PDXDC1: variants seen among roughly 807,000 people sequenced by gnomAD.
The protein encoded by PDXDC1 is pyridoxal-dependent decarboxylase domain-containing protein 1.
A neutral mutation model predicts 100.1 loss-of-function variants in PDXDC1; 42 were observed. The observed-to-expected ratio is 0.42, with a 90% CI of 0.33 to 0.54. The LOEUF (loss-of-function observed/expected upper bound fraction) is 0.54, where lower values mean the gene tolerates loss of function less well. Ranked by LOEUF, PDXDC1 falls within the 20% of genes least tolerant of loss-of-function variation. The pLI is 0.10. For missense variants in PDXDC1, 636 were observed against 979.2 expected (o/e 0.65, Z 4.68); for synonymous variants, 260 against 371.7 (o/e 0.70, Z 3.46).
rs1168928708 is a variant in PDXDC1, at chr16:15,093,097, C to CG, written c.1400-45779dup. On this transcript the variant is annotated intron_variant, in intron 16 of 16. Transcript: ENST00000535621. ...TGGCTTAACTGCAACCTCCATCTCCCGGGTTCAAGCAATTATCCTGCCTCA... is the reference window on the plus strand; with the variant it reads ...TGGCTTAACTGCAACCTCCATCTCCCGGGGTTCAAGCAATTATCCTGCCTCA... Among the ~76,000 whole-genome samples, 4 of 152,164 alleles carry CG rather than the reference C, an allele frequency of 2.6e-5. No homozygotes were observed. The East Asian group carries it at 7.7e-4, about 29-fold the overall frequency.
intron 16 of PDXDC1, among the ~76,000 whole-genome samples, chr16:15,117,589 A>C (rs1349961275): frequency 6.7e-6 from 1 of 149,840 alleles, no homozygotes; most frequent in African/African-American, 2.5e-5. Flanking sequence ...GCTACTTGAG[A>C]GGCTGAGGCA....
chr16:15,050,306 A>C (rs2044244951), intron 16 of PDXDC1, among the ~76,000 whole-genome samples: 1 of 152,246 alleles, frequency 6.6e-6, no homozygotes, highest in South Asian at 2.1e-4. Flanking sequence ...GATGAACAAA[A>C]TCTTCCTCAA....
intron 1 of PDXDC1, 112 bp from the exon 2 acceptor site, chr16:14,997,641 T>C: frequency 8.4e-7 from 1 of 1,191,544 alleles, no homozygotes; most frequent in Non-Finnish European, 1.2e-6. Context: ...TAAAATCATG[T>C]ATTTCACAGT....
At chr16:15,135,266 C>G (rs1027092298) in intron 16 of PDXDC1, 1 of 1,115,838 alleles carries the variant, frequency 9.0e-7, no homozygotes, top group African/African-American at 1.5e-5. Flanking sequence ...GGCCGAGGGG[C>G]GGGCGGCACC....
At chr16:15,004,413 A>G (rs1010224658) in intron 5 of PDXDC1, 80 bp downstream of exon 5, 16 of 1,543,950 alleles carry the variant, frequency 1.0e-5, no homozygotes, top group African/African-American at 1.4e-5. Flanking sequence ...GAGCTGTACT[A>G]CTTGGGTTCA....
At chr16:15,000,391 G>A (rs1407906975) in intron 3 of PDXDC1, among the ~76,000 whole-genome samples, 1 of 152,296 alleles carries the variant, frequency 6.6e-6, no homozygotes, top group Non-Finnish European at 1.5e-5. Flanking sequence ...TCATGTGGCA[G>A]GCAGCCAGTG....
At chr16:15,040,677 C>G (rs2151689575), downstream of PDXDC1, among the ~76,000 whole-genome samples, 1 of 152,174 alleles carries the variant, frequency 6.6e-6, no homozygotes, top group African/African-American at 2.4e-5. Flanking sequence ...TTCCTCAGTT[C>G]CTGATGTATA....
intron 3 of PDXDC1, 26 bp from the exon 4 acceptor site, chr16:15,001,750 G>T: frequency 6.3e-7 from 1 of 1,583,366 alleles, no homozygotes; most frequent in East Asian, 2.3e-5. Flanking sequence ...GTTCCCATCA[G>T]CCCATCAACT....
At chr16:15,152,072 G>A in the PDXDC1 span, among the ~76,000 whole-genome samples, 6 of 149,268 alleles carry the variant, frequency 4.0e-5, 2 homozygotes, top group Non-Finnish European at 7.5e-5. Context: ...GAGCCACGCA[G>A]AGCAGCACGT....
rs1023278104 is a variant in PDXDC1 at position 15,064,170 on chromosome 16, G to GT, written c.1399+34124dup. Among the ~76,000 whole-genome samples the GT allele has an allele frequency of 9.7e-4, 143 of 147,562 alleles. No homozygotes were observed. In the East Asian group the frequency reaches 0.011, roughly 11 times the overall value. ...AACTCATCTAGATAAATCGCTTTTT[G>GT]TTTTTTTTTTGTTTTGTTTTTCTGA... On this transcript the variant is annotated intron_variant, in intron 16 of 16. Coordinates refer to the PDXDC1 transcript ENST00000535621.
chr16:15,090,770 C>T (rs2046097592), intron 16 of PDXDC1, among the ~76,000 whole-genome samples: 1 of 152,120 alleles, frequency 6.6e-6, no homozygotes, highest in Non-Finnish European at 1.5e-5. Context: ...AAACCATTCT[C>T]TTCAAAACTG....
chr16:15,073,192 A>G, intron 16 of PDXDC1: 1 of 1,238,248 alleles, frequency 8.1e-7, no homozygotes, highest in Non-Finnish European at 1.1e-6. Flanking sequence ...CCAGCCAAGC[A>G]CAGTGGCTCC....
At chr16:15,049,505 T>C (rs952684481) in intron 16 of PDXDC1, among the ~76,000 whole-genome samples, 7 of 152,020 alleles carry the variant, frequency 4.6e-5, no homozygotes, top group African/African-American at 1.7e-4. Context: ...CTCAGTTCAC[T>C]GCAATCTCCA....
intron 8 of PDXDC1, among the ~76,000 whole-genome samples, chr16:15,011,474 T>A (rs1259672985): frequency 2.0e-5 from 3 of 152,284 alleles, no homozygotes; most frequent in Admixed American, 2.0e-4. Context: ...ATACAGGAGA[T>A]CTTTGTGACC....
intron 13 of PDXDC1, among the ~76,000 whole-genome samples, chr16:15,023,032 T>C (rs111318683): frequency 3.3e-5 from 5 of 152,300 alleles, no homozygotes; most frequent in African/African-American, 4.8e-5. Flanking sequence ...AAGTTCAGAA[T>C]TGCACAAAGA....
chr16:15,144,601 GC>G, the PDXDC1 span, among the ~76,000 whole-genome samples: 1 of 152,188 alleles, frequency 6.6e-6, no homozygotes, highest in Non-Finnish European at 1.5e-5. Context: ...TAGCCGGGGA[GC>G]CCCAGGCTCA....
chr16:15,007,151 G>A (rs1435074067), intron 6 of PDXDC1, among the ~76,000 whole-genome samples: 3 of 141,022 alleles, frequency 2.1e-5, no homozygotes. Flanking sequence ...GGATCAAAGA[G>A]CATGACTTTT....
At chr16:15,020,975 AACACACACACACACACACAC>A (rs66850292) in intron 12 of PDXDC1, among the ~76,000 whole-genome samples, 23 of 145,842 alleles carry the variant, frequency 1.6e-4, no homozygotes, top group Non-Finnish European at 2.3e-4. Flanking sequence ...GCACCATCTA[AACACACACACACACACACAC>A]ACACACACAC....
At chr16:15,123,076 A>C (rs2047517814) in intron 16 of PDXDC1, among the ~76,000 whole-genome samples, 1 of 149,990 alleles carries the variant, frequency 6.7e-6, no homozygotes, top group African/African-American at 2.5e-5. Flanking sequence ...TTAGAGGGAG[A>C]CAAAGGTTCT....
Sources: allele counts gnomAD v4.1 joint callset (sites outside exome capture counted in the v4.1 genomes callset), GRCh38; gene constraint gnomAD v4.1.1; transcripts MANE v1.5; gene names NCBI Gene and HGNC (gene_info 2026-07-23, HGNC 2026-07-21).